DOCK1: variants seen among roughly 807,000 people sequenced by gnomAD.
DOCK1 encodes the protein dedicator of cytokinesis protein 1.
In DOCK1, 138 loss-of-function variants were observed where a neutral mutation model predicts 262.7. The observed-to-expected ratio is 0.53, with a 90% CI of 0.46 to 0.61. DOCK1 has a LOEUF of 0.61. Ranked by LOEUF, DOCK1 falls within the 20% of genes least tolerant of loss-of-function variation. The pLI is 0.00. For missense variants in DOCK1, 1,908 were observed against 2,370.7 expected (o/e 0.80, Z 4.05); for synonymous variants, 866 against 867.4 (o/e 1.00, Z 0.03).
intron 1 of DOCK1, among the ~76,000 whole-genome samples, chr10:126,943,271 A>T (rs1169181506): frequency 2.0e-5 from 3 of 152,082 alleles, no homozygotes; most frequent in African/African-American, 7.2e-5. Context: ...AAAACAAACA[A>T]ATGAAAGGTT....
chr10:126,995,642 G>A lies in DOCK1; in HGVS notation c.474-1106G>A, dbSNP rs962075740. ...GAGGCAGACCGTGGAGAGAGAGGGA[G>A]AGGGAGACCGTGGAGAGGGAGAGGG... On this transcript the variant is annotated intron_variant, in intron 6 of 51. Transcript: ENST00000623213. The surrounding 1 kb of genome is among the most constrained non-coding windows in gnomAD (Gnocchi z 5.8). Among the ~76,000 whole-genome samples, 1 of 150,830 alleles carries A rather than the reference G, an allele frequency of 6.6e-6. No homozygotes were observed. Among genetic ancestry groups the A allele is most frequent in the Non-Finnish European group, 1.5e-5 (1 of 67,494 alleles).
At chr10:127,088,127 C>T (rs1028236619) in intron 23 of DOCK1, among the ~76,000 whole-genome samples, 2 of 152,150 alleles carry the variant, frequency 1.3e-5, no homozygotes, top group East Asian at 1.9e-4. Context: ...ATAACCAGTT[C>T]GCTGCCACCA....
chr10:127,245,780 G>A (rs945229012), intron 27 of DOCK1, among the ~76,000 whole-genome samples: 2 of 152,088 alleles, frequency 1.3e-5, no homozygotes, highest in African/African-American at 2.4e-5. Context: ...CAAGGATTAT[G>A]CTTTTCTTTC....
chr10:126,984,790 A>G (rs1287559882), intron 4 of DOCK1, among the ~76,000 whole-genome samples: 2 of 152,152 alleles, frequency 1.3e-5, no homozygotes, highest in Non-Finnish European at 1.5e-5. Context: ...ATTACCTTAC[A>G]TACTTATCAT....
At chr10:127,451,128 C>T (rs901583897) in intron 51 of DOCK1, among the ~76,000 whole-genome samples, 2 of 152,128 alleles carry the variant, frequency 1.3e-5, no homozygotes, top group Middle Eastern at 3.4e-3. Flanking sequence ...TGCTCAGAGG[C>T]GTCAGAAAGG....
intron 1 of DOCK1, among the ~76,000 whole-genome samples, chr10:126,961,456 C>T (rs1299218494): frequency 6.8e-6 from 1 of 146,650 alleles, no homozygotes; most frequent in Non-Finnish European, 1.5e-5. Context: ...CCCAGTGAAA[C>T]TCAGCACCCA....
intron 1 of DOCK1, among the ~76,000 whole-genome samples, chr10:126,952,451 ATGG>A (rs1429808764): frequency 1.6e-4 from 23 of 142,792 alleles, no homozygotes; most frequent in African/African-American, 2.9e-4. Flanking sequence ...ATTGTTGGTG[ATGG>A]TGGTGGTGGT....
At chr10:126,910,060 A>G (rs7474861) in intron 1 of DOCK1, among the ~76,000 whole-genome samples, 112,412 of 152,076 alleles carry the variant, frequency 0.74, 42,044 homozygotes, top group African/African-American at 0.82. Context: ...GGAGCGTGGG[A>G]GTTGATGAGA....
chr10:127,042,496 C>T (rs914813020), intron 19 of DOCK1, 129 bp from the exon 20 acceptor site: 15 of 751,864 alleles, frequency 2.0e-5, no homozygotes, highest in African/African-American at 7.0e-5. Context: ...AAAAGGATCC[C>T]GAATGGCTTT....
chr10:127,333,872 T>C (rs1214451426), intron 29 of DOCK1, among the ~76,000 whole-genome samples: 1 of 152,218 alleles, frequency 6.6e-6, no homozygotes, highest in Non-Finnish European at 1.5e-5. Flanking sequence ...CTTTGTATCA[T>C]GTGGTGATGC....
intron 29 of DOCK1, among the ~76,000 whole-genome samples, chr10:127,317,915 TTCAC>T (rs1339321743): frequency 1.3e-5 from 2 of 152,202 alleles, no homozygotes; most frequent in Non-Finnish European, 2.9e-5. Flanking sequence ...AGGCTCTGAC[TTCAC>T]TCTGTTGAAG....
chr10:127,044,092 T>A (rs942882122), intron 21 of DOCK1, among the ~76,000 whole-genome samples: 3 of 152,230 alleles, frequency 2.0e-5, no homozygotes, highest in Non-Finnish European at 4.4e-5. Flanking sequence ...ATTTACATAA[T>A]TTCTTTAAGA....
chr10:127,184,505 G>A (rs1449810522), intron 27 of DOCK1, among the ~76,000 whole-genome samples: 1 of 110,012 alleles, frequency 9.1e-6, no homozygotes, highest in Admixed American at 1.2e-4. Flanking sequence ...CCATCCTGCA[G>A]GTCCTGCTAG....
rs2069893274 is a variant in DOCK1 at position 127,439,070 on chromosome 10, T to C, written c.5104T>C (p.Ser1702Pro). Residue 1702 changes from serine to proline, a missense_variant, in exon 49 of 52, where the codon TCC becomes CCC. This residue lies in a region of DOCK1 where 383 missense variants were observed against 420.1 expected (regional missense o/e 0.91). Transcript: ENST00000623213. ...PLLPKKMHSR[S>P]QDKLDKDDLE... ...CCTGCCAAAGAAAATGCACTCCAGG[T>C]CCCAGGACAAGCTGGACAAGGATGA... is the stretch of plus-strand genomic sequence containing the variant. 6.4e-7 allele frequency: 1 copy of C among 1,556,408 alleles called. No homozygotes were observed. The highest frequency in any genetic ancestry group is 2.4e-5 in the East Asian group (1 of 41,374).
At chr10:127,119,758 A>G (rs988230703) in intron 25 of DOCK1, among the ~76,000 whole-genome samples, 1 of 152,256 alleles carries the variant, frequency 6.6e-6, no homozygotes, top group African/African-American at 2.4e-5. Flanking sequence ...ATTAAGAAGT[A>G]CATTACTCTG....
intron 27 of DOCK1, among the ~76,000 whole-genome samples, chr10:127,147,643 A>G (rs1191904238): frequency 6.6e-6 from 1 of 152,032 alleles, no homozygotes; most frequent in Non-Finnish European, 1.5e-5. Flanking sequence ...ACTTGTCCTT[A>G]GGAGGTCCCT....
chr10:126,960,677 G>A (rs1459118582), intron 1 of DOCK1, among the ~76,000 whole-genome samples: 2 of 149,064 alleles, frequency 1.3e-5, no homozygotes, highest in East Asian at 2.0e-4. Context: ...GGGATGATTG[G>A]ATGATTGCTG....
intron 25 of DOCK1, among the ~76,000 whole-genome samples, chr10:127,113,117 T>C (rs1041343935): frequency 2.0e-5 from 3 of 152,214 alleles, no homozygotes; most frequent in African/African-American, 7.2e-5. Flanking sequence ...ATGTTGAATC[T>C]GATTTTCATG....
intron 51 of DOCK1, among the ~76,000 whole-genome samples, chr10:127,449,918 T>C (rs2070844954): frequency 6.6e-6 from 1 of 152,186 alleles, no homozygotes; most frequent in Admixed American, 6.5e-5. Context: ...GGTGATAAAC[T>C]TTTGACATGC....
Sources: gnomAD v4.1 joint callset for allele counts (sites outside exome capture counted in the v4.1 genomes callset) on GRCh38, gnomAD v4.1.1 for gene constraint, gnomAD v4.1.1 regional missense constraint, Gnocchi (gnomAD v3.1) non-coding constraint, MANE v1.5 for transcripts, NCBI Gene and HGNC (gene_info 2026-07-23, HGNC 2026-07-21) for gene names.